The following DOHH variants were observed in gnomAD, a reference collection of about 807,000 sequenced individuals.
DOHH encodes the protein deoxyhypusine hydroxylase.
Under a neutral mutation model 19.9 loss-of-function variants are expected in DOHH, and 16 were observed. That is an observed-to-expected ratio of 0.80 (90% confidence interval 0.54 to 1.22). DOHH has a LOEUF of 1.22. DOHH is among the 50% of genes most tolerant of loss of function. DOHH has a pLI of 0.00. For synonymous variants in DOHH, 233 were observed against 217.0 expected, an observed-to-expected ratio of 1.07 and a Z score of -0.65; for missense variants, 460 against 460.6, an observed-to-expected ratio of 1.00 and a Z score of 0.01.
At position 3,496,146 on chromosome 19, in the gene DOHH, C is replaced by CAT. The variant is rs1170551258; in HGVS notation, c.274+394_274+395insAT. On this transcript the variant is annotated intron_variant, in intron 2 of 4. Transcript: ENST00000427575. The surrounding 1 kb of genome is among the most constrained non-coding windows in gnomAD (Gnocchi z 4.8). ...CCCGCCTCAGCCTCCCAAGTGGCTG[C>CAT]GACTACAGGTGCATGCCACCATGCC... 2.0e-4 allele frequency among the ~76,000 whole-genome samples: 31 copies of CAT among 152,040 alleles called. No individual in the cohort carries two copies. Among genetic ancestry groups the CAT allele is most frequent in the Non-Finnish European group, 4.3e-4 (29 of 68,004 alleles).
In DOHH at chr19:3,491,531, G is replaced by C. The variant is rs770643021; in HGVS notation, c.870C>G (p.Tyr290Ter). 5.9e-6 allele frequency: 9 copies of C among 1,535,524 alleles called. No individual in the cohort carries two copies. The highest frequency in any genetic ancestry group is 3.9e-5 in the Admixed American group (2 of 50,998). The change falls in exon 5 of 5, where the codon TAC becomes TAG. Residue 290 changes from tyrosine (Y) to a stop codon, truncating the protein, a stop_gained. Coordinates refer to ENST00000427575, the MANE Select transcript of DOHH (RefSeq NM_001145165.2). LOFTEE classifies it low-confidence loss of function (END_TRUNC). This position sits in a 1 kb window ranked among gnomAD's most constrained non-coding sequence, Gnocchi z 5.6. Reference protein sequence around the residue: ...YEHETGRAFQYADGLEQLRGA... With the variant: ...YEHETGRAFQ Reference sequence around the variant, plus strand: ...CGCGCAGCTGCTCCAGGCCGTCCGCGTACTGGAAGGCCCGCCCGGTCTCGT... The same window carrying C: ...CGCGCAGCTGCTCCAGGCCGTCCGCCTACTGGAAGGCCCGCCCGGTCTCGT...
rs374828505 is a variant in DOHH, at chr19:3,491,659, C to T, written c.742G>A (p.Ala248Thr). ...GCCAGGCAGGCGGGCCGGGCAATGGCGCCCAGGGCCTCCGCGCACTCGTGC... is the reference window on the plus strand; with the variant it reads ...GCCAGGCAGGCGGGCCGGGCAATGGTGCCCAGGGCCTCCGCGCACTCGTGC... ...VRHECAEALG[A>T]IARPACLAAL... is the part of the protein sequence containing the mutation. The change falls in exon 5 of 5, where the codon GCC (alanine) becomes ACC (threonine). Residue 248 changes from alanine (A) to threonine (T), a missense_variant. By Grantham distance (58) the Ala-to-Thr change is moderately conservative (BLOSUM62 0). Coordinates refer to ENST00000427575, the MANE Select transcript of DOHH (RefSeq NM_001145165.2). The surrounding 1 kb of genome is among the most constrained non-coding windows in gnomAD (Gnocchi z 5.6). The T allele has an allele frequency of 3.9e-6, 6 of 1,534,392 alleles. No homozygotes were observed. Among genetic ancestry groups the T allele is most frequent in the African/African-American group, 1.4e-5 (1 of 72,774 alleles).
rs931522021 is a variant in DOHH, at chr19:3,492,421, A to G, written c.430T>C (p.Tyr144His). ...GGCGGGGCAGGGTCCACGGAGAGGT[A>G]GGGTCCCGCCGCCGGCTCCCCGCCG... ...QHGGEPAAGP[Y>H]LSVDPAPPAE... The change falls in exon 4 of 5, where the codon TAC becomes CAC. Residue 144 changes from tyrosine (Y) to histidine (H), a missense_variant. Physicochemically the swap from Tyr to His is moderately conservative, Grantham distance 83. Transcript: ENST00000427575. The G allele has an allele frequency of 1.3e-6, 2 of 1,505,000 alleles. No individual in the cohort carries two copies. The highest frequency in any genetic ancestry group is 1.2e-5 in the South Asian group (1 of 80,696). 93.2% of individuals were successfully genotyped at this position (1,505,000 alleles called of 1,614,324 possible).
intron 4 of DOHH, among the ~76,000 whole-genome samples, chr19:3,492,045 G>C (rs2082873734): frequency 6.6e-6 from 1 of 152,172 alleles, no homozygotes; most frequent in African/African-American, 2.4e-5. Flanking sequence ...GGATGCCCGG[G>C]GGAACTGACC....
chr19:3,494,251 T>A, intron 2 of DOHH, 147 bp from the exon 3 acceptor site: 1 of 664,788 alleles, frequency 1.5e-6, no homozygotes, highest in Non-Finnish European at 2.6e-6. Flanking sequence ...GGAGCAGCAG[T>A]CGGTACAGGC....
Position 3,491,598 on chromosome 19 carries a change from A to G in DOHH, c.803T>C (p.Val268Ala). Residue 268 changes from valine (V) to alanine (A), a missense_variant, in exon 5 of 5, where the codon GTG (valine) becomes GCG (alanine). Val to Ala is a moderately conservative substitution (Grantham distance 64). Transcript: ENST00000427575. This position sits in a 1 kb window ranked among gnomAD's most constrained non-coding sequence, Gnocchi z 5.6. ...LQAHADDPER[V>A]VRESCEVALD... ...AGCCACCTCGCAGCTCTCACGCACC[A>G]CGCGCTCTGGGTCGTCCGCGTGAGC... 1 of 1,535,702 alleles carries G rather than the reference A, an allele frequency of 6.5e-7. No individual in the cohort carries two copies. Among genetic ancestry groups the G allele is most frequent in the Non-Finnish European group, 8.7e-7 (1 of 1,146,550 alleles).
chr19:3,491,459 A>C lies in DOHH; in HGVS notation c.*33T>G, dbSNP rs1167056954. The C allele has an allele frequency of 1.3e-6, 2 of 1,517,980 alleles. No homozygotes were observed. The highest frequency in any genetic ancestry group is 2.4e-5 in the South Asian group (2 of 82,550). The allele number at this position is 1,517,980 out of a possible 1,614,324, so 94.0% of individuals were successfully genotyped here. A position where few individuals can be genotyped will look rare whatever the true frequency, so the allele number is the denominator to read the frequency against. On this transcript the variant is annotated 3_prime_UTR_variant, in exon 5 of 5. Transcript: ENST00000427575. This position sits in a 1 kb window ranked among gnomAD's most constrained non-coding sequence, Gnocchi z 5.6. ...CTGCGGGGGAGGAGCGGCCCTCAAG[A>C]GTCCTCCGGGAGCTCCGGGTGAGGG...
chr19:3,493,464 G>C (rs1568221000), intron 3 of DOHH, among the ~76,000 whole-genome samples: 1 of 152,118 alleles, frequency 6.6e-6, no homozygotes, highest in Non-Finnish European at 1.5e-5. Flanking sequence ...GAAAAGATTT[G>C]CTGAGCGTGG....
intron 1 of DOHH, among the ~76,000 whole-genome samples, 159 bp downstream of exon 1, chr19:3,500,399 AAAT>A (rs1327443285): frequency 6.6e-6 from 1 of 152,206 alleles, no homozygotes; most frequent in African/African-American, 2.4e-5. Context: ...TTCATGTAAA[AAAT>A]CCCAGAGGAA....
At chr19:3,493,567 G>A (rs1236061703) in intron 3 of DOHH, among the ~76,000 whole-genome samples, 2 of 148,932 alleles carry the variant, frequency 1.3e-5, no homozygotes, top group South Asian at 2.2e-4. Context: ...CCGAGATCGC[G>A]CCCACTGCAC....
At chr19:3,500,299 G>C (rs1455918267) in intron 1 of DOHH, among the ~76,000 whole-genome samples, 2 of 152,206 alleles carry the variant, frequency 1.3e-5, no homozygotes, top group Admixed American at 1.3e-4. Context: ...AGAAACCAGA[G>C]GGCAGGCCTG....
Position 3,492,443 on chromosome 19 carries a change from G to T in DOHH, c.408C>A (p.Gly136=). 1 of 1,481,458 alleles carries T rather than the reference G, an allele frequency of 6.8e-7. No individual in the cohort carries two copies. The highest frequency in any genetic ancestry group is 1.3e-5 in the South Asian group (1 of 76,852). 91.8% of individuals were successfully genotyped at this position (1,481,458 alleles called of 1,614,324 possible). ...GGTAGGGTCCCGCCGCCGGCTCCCCGCCGTGCTGCTGCAGCCACTCCAGCC... is the reference window on the plus strand; with the variant it reads ...GGTAGGGTCCCGCCGCCGGCTCCCCTCCGTGCTGCTGCAGCCACTCCAGCC... The part of the protein sequence containing the change: ...VRRLEWLQQH[G]GEPAAGPYLS... Residue 136 remains glycine (G), a synonymous_variant, in exon 4 of 5, where the codon GGC becomes GGA. Transcript: ENST00000427575.
chr19:3,495,174 A>G (rs2082899521), intron 2 of DOHH, among the ~76,000 whole-genome samples: 1 of 151,498 alleles, frequency 6.6e-6, no homozygotes, highest in Non-Finnish European at 1.5e-5. Context: ...ACGGGGTTTC[A>G]CCATGTTGGC....
rs749863196 is a variant in DOHH at position 3,496,500 on chromosome 19, G to GCAGGAGGGAGCAGGTGCC, written c.274+23_274+40dup. On this transcript the variant is annotated intron_variant, in intron 2 of 4. Coordinates refer to ENST00000427575, the MANE Select transcript of DOHH (RefSeq NM_001145165.2). The surrounding 1 kb of genome is among the most constrained non-coding windows in gnomAD (Gnocchi z 4.8). ...ACACGTGGGGTCATGAAGAAGTGAG[G>GCAGGAGGGAGCAGGTGCC]CAGGAGGGAGCAGGTGCCCGGGACA... is the stretch of plus-strand genomic sequence containing the variant. 206 of 1,586,286 alleles carry GCAGGAGGGAGCAGGTGCC rather than the reference G, an allele frequency of 1.3e-4. No homozygotes were observed. Among genetic ancestry groups the GCAGGAGGGAGCAGGTGCC allele is most frequent in the Non-Finnish European group, 1.7e-4 (193 of 1,165,936 alleles).
At chr19:3,494,140 G>T (rs1364105817) in intron 2 of DOHH, 36 bp from the exon 3 acceptor site, 4 of 1,587,558 alleles carry the variant, frequency 2.5e-6, no homozygotes, top group East Asian at 2.3e-5. Context: ...ATGTTGGTGG[G>T]GTGGATGTGT....
chr19:3,496,943 G>T lies in DOHH; in HGVS notation c.-72-57C>A. ...AGCCCCCTTCACCAGTGCGTTGTCT[G>T]TTCCTAGGACCTGGGTGGGGCAAAT... is the stretch of plus-strand genomic sequence containing the variant. On this transcript the variant is annotated intron_variant, in intron 1 of 4. Coordinates refer to ENST00000427575, the MANE Select transcript of DOHH (RefSeq NM_001145165.2). The surrounding 1 kb of genome is among the most constrained non-coding windows in gnomAD (Gnocchi z 4.8). 8.1e-7 allele frequency: 1 copy of T among 1,240,648 alleles called. No homozygotes were observed. Among genetic ancestry groups the T allele is most frequent in the Non-Finnish European group, 1.0e-6 (1 of 968,646 alleles). 76.9% of individuals were successfully genotyped at this position (1,240,648 alleles called of 1,614,324 possible).
Position 3,496,593 on chromosome 19 carries a change from C to T in DOHH, c.222G>A (p.Leu74=). The change falls in exon 2 of 5, where the codon CTG becomes CTA. Residue 74 remains leucine, a synonymous_variant. Coordinates refer to ENST00000427575, the MANE Select transcript of DOHH (RefSeq NM_001145165.2). This position sits in a 1 kb window ranked among gnomAD's most constrained non-coding sequence, Gnocchi z 4.8. ...GACGGGTGTCTTGCAGCACGTCCAC[C>T]AGCATGGGGATGGCGCGGGCATCCT... ...QMQDARAIPM[L]VDVLQDTRQE... is the part of the protein sequence containing the mutation. 3.7e-6 allele frequency: 6 copies of T among 1,613,954 alleles called. No homozygotes were observed. Among genetic ancestry groups the T allele is most frequent in the Non-Finnish European group, 5.1e-6 (6 of 1,180,008 alleles).
chr19:3,500,246 G>T (rs549546084), intron 1 of DOHH, among the ~76,000 whole-genome samples: 1 of 152,146 alleles, frequency 6.6e-6, no homozygotes, highest in Non-Finnish European at 1.5e-5. Flanking sequence ...CCTAAGCACA[G>T]GTGACCATCA....
At position 3,491,637 on chromosome 19, in the gene DOHH, A is replaced by C. The variant is rs2082870505; in HGVS notation, c.764T>G (p.Leu255Arg). 3 of 1,535,120 alleles carry C rather than the reference A, an allele frequency of 2.0e-6. No homozygotes were observed. The highest frequency in any genetic ancestry group is 2.6e-6 in the Non-Finnish European group (3 of 1,145,246). The change falls in exon 5 of 5, where the codon CTG becomes CGG. Residue 255 changes from leucine to arginine, a missense_variant. Coordinates refer to ENST00000427575, the MANE Select transcript of DOHH (RefSeq NM_001145165.2). This position sits in a 1 kb window ranked among gnomAD's most constrained non-coding sequence, Gnocchi z 5.6. Reference sequence around the variant, plus strand: ...GTCCGCGTGAGCCTGCAGCGCGGCCAGGCAGGCGGGCCGGGCAATGGCGCC... The same window carrying C: ...GTCCGCGTGAGCCTGCAGCGCGGCCCGGCAGGCGGGCCGGGCAATGGCGCC... ...ALGAIARPAC[L>R]AALQAHADDP...
Sources: allele counts gnomAD v4.1 joint callset (sites outside exome capture counted in the v4.1 genomes callset), GRCh38; gene constraint gnomAD v4.1.1; non-coding constraint Gnocchi (gnomAD v3.1); transcripts MANE v1.5; gene names NCBI Gene and HGNC (gene_info 2026-07-23, HGNC 2026-07-21).